Variants in RNF150 observed in about 807,000 individuals in gnomAD.
RNF150 encodes ring finger protein 150.
RNF150 carries 24 observed loss-of-function variants against 39.3 expected under a neutral mutation model. The ratio of observed to expected loss-of-function variants is 0.61; its 90% CI spans 0.44 to 0.86. The LOEUF (loss-of-function observed/expected upper bound fraction) is 0.86, where lower values mean the gene tolerates loss of function less well. Among genes scored for constraint, RNF150 ranks in the 40% least tolerant of loss-of-function variants. RNF150 has a pLI of 0.00. For missense variants in RNF150, 502 were observed against 587.8 expected (o/e 0.85, Z 1.51); for synonymous variants, 255 against 227.3 (o/e 1.12, Z -1.10).
At chr4:141,073,926 A>C (rs1468095381) in intron 1 of RNF150, among the ~76,000 whole-genome samples, 3 of 151,928 alleles carry the variant, frequency 2.0e-5, no homozygotes, top group African/African-American at 7.3e-5. Context: ...TTCAGTTCAG[A>C]GGGCTGCAGC....
chr4:140,981,675 C>G (rs780714548), intron 1 of RNF150, among the ~76,000 whole-genome samples: 4 of 152,128 alleles, frequency 2.6e-5, no homozygotes, highest in Non-Finnish European at 5.9e-5. Flanking sequence ...TGTTAAATAG[C>G]AGCAACAAAC....
At chr4:141,021,995 T>C (rs1372842836) in intron 1 of RNF150, among the ~76,000 whole-genome samples, 1 of 152,206 alleles carries the variant, frequency 6.6e-6, no homozygotes, top group Non-Finnish European at 1.5e-5. Context: ...GCACTGCAAC[T>C]CATGCTCTGT....
chr4:141,055,978 C>A (rs149841816), intron 1 of RNF150, among the ~76,000 whole-genome samples: 1 of 152,100 alleles, frequency 6.6e-6, no homozygotes, highest in African/African-American at 2.4e-5. Context: ...GGGCTACAAA[C>A]GAGTCTAGGT....
intron 1 of RNF150, among the ~76,000 whole-genome samples, chr4:141,185,822 T>G (rs1329308840): frequency 6.6e-6 from 1 of 152,234 alleles, no homozygotes; most frequent in African/African-American, 2.4e-5. Context: ...GTTTACGTGA[T>G]GAATTATGTT....
chr4:141,034,516 A>G (rs1018136860), intron 1 of RNF150, among the ~76,000 whole-genome samples: 3 of 152,228 alleles, frequency 2.0e-5, no homozygotes, highest in Non-Finnish European at 2.9e-5. Flanking sequence ...TGCATTCACA[A>G]CTAGGTAAAC....
Position 141,119,108 on chromosome 4 carries a change from T to C in RNF150, c.484+13217A>G, listed in dbSNP as rs142895054. On this transcript the variant is annotated intron_variant, in intron 1 of 6. Transcript: ENST00000515673. Reference sequence around the variant, plus strand: ...ATTTTGGAGCACACTTCAATTACTATAACAAAAGGCTAATGCTACTTTTAA... The same window carrying C: ...ATTTTGGAGCACACTTCAATTACTACAACAAAAGGCTAATGCTACTTTTAA... Among the ~76,000 whole-genome samples, 354 of 152,304 alleles carry C rather than the reference T, an allele frequency of 2.3e-3. 1 individual carries two copies. The highest frequency in any genetic ancestry group is 8.0e-3 in the African/African-American group (331 of 41,562).
At chr4:141,035,144 C>T (rs939778216) in intron 1 of RNF150, among the ~76,000 whole-genome samples, 8 of 152,192 alleles carry the variant, frequency 5.3e-5, no homozygotes, top group Non-Finnish European at 7.4e-5. Flanking sequence ...CAAGTTTTAA[C>T]GACTTCAAAG....
At chr4:140,983,020 T>C (rs560528767) in intron 1 of RNF150, among the ~76,000 whole-genome samples, 2 of 152,270 alleles carry the variant, frequency 1.3e-5, no homozygotes, top group Admixed American at 6.5e-5. Context: ...CAGCAGAAAC[T>C]TTATGACCAC....
At chr4:141,159,939 G>A (rs1392053268) in intron 1 of RNF150, among the ~76,000 whole-genome samples, 1 of 151,340 alleles carries the variant, frequency 6.6e-6, no homozygotes, top group Non-Finnish European at 1.5e-5. Context: ...CCCTACTTTT[G>A]TCTGTTACAA....
At chr4:141,055,728 A>G (rs1037037874) in intron 1 of RNF150, among the ~76,000 whole-genome samples, 2 of 152,196 alleles carry the variant, frequency 1.3e-5, no homozygotes, top group Non-Finnish European at 2.9e-5. Flanking sequence ...ATGTACATTT[A>G]ATGAGAGTCC....
intron 1 of RNF150, among the ~76,000 whole-genome samples, chr4:140,979,279 G>C (rs1244539620): frequency 6.6e-6 from 1 of 152,120 alleles, no homozygotes; most frequent in Non-Finnish European, 1.5e-5. Flanking sequence ...TGGAATCACA[G>C]TATAGGAGAC....
At chr4:140,968,343 GAATA>G (rs1436075674) in intron 1 of RNF150, among the ~76,000 whole-genome samples, 1 of 151,778 alleles carries the variant, frequency 6.6e-6, no homozygotes, top group Non-Finnish European at 1.5e-5. Flanking sequence ...CAAACACTAT[GAATA>G]TTCAACTATA....
At chr4:140,883,934 T>C (rs1729469006) in intron 6 of RNF150, among the ~76,000 whole-genome samples, 1 of 152,192 alleles carries the variant, frequency 6.6e-6, no homozygotes, top group Non-Finnish European at 1.5e-5. Flanking sequence ...GTCCACCTGA[T>C]GGTACAGCAT....
chr4:140,961,066 A>G (rs950107029), intron 2 of RNF150, among the ~76,000 whole-genome samples: 1 of 152,078 alleles, frequency 6.6e-6, no homozygotes, highest in African/African-American at 2.4e-5. Context: ...CTGACTCCAA[A>G]GTTGGTATCT....
chr4:140,886,220 T>C (rs778328124), intron 6 of RNF150, among the ~76,000 whole-genome samples: 8 of 149,828 alleles, frequency 5.3e-5, no homozygotes, highest in Non-Finnish European at 8.9e-5. Flanking sequence ...AAGAAAAGTA[T>C]GTACATCTAT....
At chr4:140,999,148 A>C (rs1734485582) in intron 1 of RNF150, among the ~76,000 whole-genome samples, 1 of 152,224 alleles carries the variant, frequency 6.6e-6, no homozygotes, top group Admixed American at 6.5e-5. Context: ...GCACTCCAAA[A>C]AAGCAGTGAA....
At chr4:140,888,948 A>G (rs762819277) in intron 6 of RNF150, among the ~76,000 whole-genome samples, 2 of 152,196 alleles carry the variant, frequency 1.3e-5, no homozygotes, top group African/African-American at 2.4e-5. Context: ...TACGAAGGAG[A>G]TAGATAAGAA....
At chr4:141,112,145 G>C (rs891342295) in intron 1 of RNF150, among the ~76,000 whole-genome samples, 1 of 152,148 alleles carries the variant, frequency 6.6e-6, no homozygotes, top group Admixed American at 6.6e-5. Context: ...AAAATATACA[G>C]ATGAGGACTA....
intron 1 of RNF150, among the ~76,000 whole-genome samples, chr4:141,192,177 C>T (rs1194696677): frequency 6.6e-6 from 1 of 152,130 alleles, no homozygotes; most frequent in African/African-American, 2.4e-5. Context: ...CTGCAAAAAG[C>T]CCTCTTTTGA....
Sources: gnomAD v4.1 joint callset for allele counts (sites outside exome capture counted in the v4.1 genomes callset) on GRCh38, gnomAD v4.1.1 for gene constraint, MANE v1.5 for transcripts, NCBI Gene and HGNC (gene_info 2026-07-23, HGNC 2026-07-21) for gene names.